Variants in SUGCT observed in about 807,000 individuals in gnomAD.
The protein encoded by SUGCT is succinyl-CoA:glutarate CoA-transferase.
In SUGCT, 41 loss-of-function variants were observed where a neutral mutation model predicts 55.0. The observed-to-expected ratio is 0.74, with a 90% CI of 0.58 to 0.97. The LOEUF is 0.97. Ranked by LOEUF, SUGCT falls within the 50% of genes least tolerant of loss-of-function variation. The pLI is 0.00. For missense variants in SUGCT, 568 were observed against 547.8 expected (o/e 1.04, Z -0.37); for synonymous variants, 187 against 200.4 (o/e 0.93, Z 0.56).
chr7:40,548,576 A>T (rs533299404), intron 12 of SUGCT, among the ~76,000 whole-genome samples: 1 of 152,168 alleles, frequency 6.6e-6, no homozygotes, highest in African/African-American at 2.4e-5. Flanking sequence ...AGAATTTCTC[A>T]TATATACCAC....
At chr7:40,139,516 T>C (rs1422190034) in intron 1 of SUGCT, among the ~76,000 whole-genome samples, 1 of 152,196 alleles carries the variant, frequency 6.6e-6, no homozygotes, top group Non-Finnish European at 1.5e-5. Context: ...ACATTTTTGA[T>C]ATGCTTGTTT....
At chr7:40,855,382 C>A (rs899134718) in intron 13 of SUGCT, among the ~76,000 whole-genome samples, 1 of 152,038 alleles carries the variant, frequency 6.6e-6, no homozygotes, top group South Asian at 2.1e-4. Flanking sequence ...TTCTTTCTCA[C>A]ATTTTTTAGA....
At chr7:40,372,888 C>T (rs1164481778) in intron 9 of SUGCT, among the ~76,000 whole-genome samples, 2 of 151,892 alleles carry the variant, frequency 1.3e-5, no homozygotes, top group African/African-American at 4.8e-5. Context: ...GCATTTTGTC[C>T]TCCAATAATT....
the SUGCT span, among the ~76,000 whole-genome samples, chr7:40,995,222 C>A: frequency 6.6e-6 from 1 of 151,988 alleles, no homozygotes; most frequent in South Asian, 2.1e-4. Context: ...CAGAGAATGA[C>A]TCTTTCATTT....
chr7:40,575,978 T>C (rs1259523042), intron 12 of SUGCT, among the ~76,000 whole-genome samples: 2 of 151,732 alleles, frequency 1.3e-5, no homozygotes, highest in African/African-American at 4.8e-5. Flanking sequence ...GAAAGAGTTG[T>C]ATGTAACTGT....
intron 12 of SUGCT, among the ~76,000 whole-genome samples, chr7:40,683,667 G>T (rs538548778): frequency 6.6e-6 from 1 of 152,320 alleles, no homozygotes; most frequent in Admixed American, 6.5e-5. Flanking sequence ...ATGTTGAGAA[G>T]ATGAGACAAT....
intron 10 of SUGCT, among the ~76,000 whole-genome samples, chr7:40,458,152 G>T (rs1331535472): frequency 6.6e-6 from 1 of 152,078 alleles, no homozygotes; most frequent in Non-Finnish European, 1.5e-5. Flanking sequence ...TTTAAACTGT[G>T]GCAAATAAAT....
chr7:40,570,069 G>T (rs1796359151), intron 12 of SUGCT, among the ~76,000 whole-genome samples: 1 of 152,142 alleles, frequency 6.6e-6, no homozygotes, highest in African/African-American at 2.4e-5. Flanking sequence ...AAATTACTAT[G>T]TTAGGGAAGT....
At chr7:40,758,947 G>A (rs148229590) in intron 13 of SUGCT, among the ~76,000 whole-genome samples, 104 of 152,188 alleles carry the variant, frequency 6.8e-4, no homozygotes, top group African/African-American at 2.4e-3. Flanking sequence ...TCAAGAAGCC[G>A]TAAGCATTTC....
intron 11 of SUGCT, among the ~76,000 whole-genome samples, chr7:40,484,903 T>G (rs2151494805): frequency 6.6e-6 from 1 of 152,136 alleles, no homozygotes; most frequent in South Asian, 2.1e-4. Context: ...ACATGAGCAT[T>G]GGACCCAAGA....
Position 40,293,380 on chromosome 7 carries a change from C to G in SUGCT, c.720+18724C>G, listed in dbSNP as rs142959756. Among the ~76,000 whole-genome samples the G allele has an allele frequency of 6.5e-3, 988 of 152,242 alleles. 39 individuals are homozygous for G. Among genetic ancestry groups the G allele is most frequent in the Admixed American group, 0.056 (860 of 15,296 alleles). ...ACCTGTGGAGTTTTCAGAATTTCTG[C>G]TGTCTCTTTCCCATCCCCAGAGATT... is the stretch of plus-strand genomic sequence containing the variant. On this transcript the variant is annotated intron_variant, in intron 8 of 13. Transcript: ENST00000335693.
chr7:40,385,817 GGTGAC>G (rs1343171161), intron 9 of SUGCT, among the ~76,000 whole-genome samples: 1 of 152,090 alleles, frequency 6.6e-6, no homozygotes, highest in African/African-American at 2.4e-5. Context: ...TAGCTTTTAA[GGTGAC>G]GTGTGGACGT....
the SUGCT span, among the ~76,000 whole-genome samples, chr7:40,889,409 CA>C: frequency 1.3e-5 from 2 of 152,158 alleles, no homozygotes; most frequent in African/African-American, 4.8e-5. Context: ...TTAACTTTGG[CA>C]TGGGCTTTGA....
intron 9 of SUGCT, among the ~76,000 whole-genome samples, chr7:40,415,061 AAT>A (rs1457534615): frequency 1.6e-5 from 1 of 63,586 alleles, no homozygotes; most frequent in African/African-American, 7.0e-5. Flanking sequence ...AAAAAAAAAA[AAT>A]CTATCTATCT....
chr7:40,676,228 A>C (rs2151878654), intron 12 of SUGCT, among the ~76,000 whole-genome samples: 1 of 152,296 alleles, frequency 6.6e-6, no homozygotes, highest in African/African-American at 2.4e-5. Context: ...GTTATTGTTA[A>C]ATTTAGATAA....
intron 12 of SUGCT, among the ~76,000 whole-genome samples, chr7:40,589,067 C>T (rs947127415): frequency 5.3e-5 from 8 of 152,006 alleles, no homozygotes; most frequent in Non-Finnish European, 1.2e-4. Flanking sequence ...TTTTTCTAAA[C>T]TGATACAAAA....
At chr7:40,726,915 G>C (rs1247441241) in intron 12 of SUGCT, among the ~76,000 whole-genome samples, 2 of 152,232 alleles carry the variant, frequency 1.3e-5, no homozygotes, top group African/African-American at 4.8e-5. Flanking sequence ...ACATTTGCAT[G>C]GCAGGAGAAG....
intron 12 of SUGCT, among the ~76,000 whole-genome samples, chr7:40,596,626 T>C (rs555817897): frequency 5.3e-5 from 8 of 152,308 alleles, no homozygotes; most frequent in Admixed American, 5.2e-4. Context: ...TATATATCTT[T>C]GGAAACTTGG....
At chr7:40,909,018 C>G in the SUGCT span, among the ~76,000 whole-genome samples, 1 of 151,982 alleles carries the variant, frequency 6.6e-6, no homozygotes, top group Admixed American at 6.5e-5. Flanking sequence ...CTCTAAAATA[C>G]CCCCAAGACT....
Sources: allele counts gnomAD v4.1 joint callset (sites outside exome capture counted in the v4.1 genomes callset), GRCh38; gene constraint gnomAD v4.1.1; transcripts MANE v1.5; gene names NCBI Gene and HGNC (gene_info 2026-07-23, HGNC 2026-07-21).